Variants in YTHDC2 observed in about 807,000 individuals in gnomAD.
YTHDC2 encodes 3'-5' RNA helicase YTHDC2.
YTHDC2 carries 45 observed loss-of-function variants against 174.9 expected under a neutral mutation model. The ratio of observed to expected loss-of-function variants is 0.26; its 90% CI spans 0.20 to 0.33. YTHDC2 has a LOEUF of 0.33. Ranked by LOEUF, YTHDC2 falls within the 10% of genes least tolerant of loss-of-function variation. YTHDC2 has a pLI of 1.00. For missense variants in YTHDC2, 1,650 were observed against 1,723.7 expected, an observed-to-expected ratio of 0.96 and a Z score of 0.76; for synonymous variants, 657 against 574.5, an observed-to-expected ratio of 1.14 and a Z score of -2.05.
At position 113,515,263 on chromosome 5, in the gene YTHDC2, TC is replaced by T. The variant is rs771347106; in HGVS notation, c.188-7del. 1.6e-5 allele frequency: 25 copies of T among 1,595,066 alleles called. No individual in the cohort carries two copies. The East Asian group carries it at 5.6e-4, about 36-fold the overall frequency. Reference sequence around the variant, plus strand: ...ACAAATTTTACTACTTTGTTTTTTTTCCGTGTAGAAATGGAATTTCCTTCTT... The same window carrying T: ...ACAAATTTTACTACTTTGTTTTTTTTCGTGTAGAAATGGAATTTCCTTCTT... On this transcript the variant is annotated splice_region_variant and splice_polypyrimidine_tract_variant and intron_variant, in intron 1 of 29. Transcript: ENST00000161863.
Position 113,591,248 on chromosome 5 carries a change from A to G in YTHDC2, c.4029+4A>G, listed in dbSNP as rs771990302. 6 of 1,613,586 alleles carry G rather than the reference A, an allele frequency of 3.7e-6. No homozygotes were observed. Among genetic ancestry groups the G allele is most frequent in the Non-Finnish European group, 5.1e-6 (6 of 1,179,724 alleles). On this transcript the variant is annotated splice_donor_region_variant and intron_variant, in intron 27 of 29. Coordinates refer to ENST00000161863, the MANE Select transcript of YTHDC2 (RefSeq NM_022828.5). The stretch of plus-strand genomic sequence containing the variant: ...TCAAGGATCTGGACATTTCCAGGTG[A>G]GCCACCCTGAATCAGTAAAATGGGG...
chr5:113,549,902 G>A (rs1305285713), intron 12 of YTHDC2, among the ~76,000 whole-genome samples: 1 of 151,616 alleles, frequency 6.6e-6, no homozygotes. Context: ...AGTGTTTGTT[G>A]AATGAATGAA....
At chr5:113,592,448 G>T in intron 28 of YTHDC2, 1 of 258,068 alleles carries the variant, frequency 3.9e-6, no homozygotes, top group Non-Finnish European at 7.3e-6. Context: ...ATATTCTAGT[G>T]GCTTGTTTAT....
chr5:113,524,272 A>G (rs1432730660), intron 2 of YTHDC2, among the ~76,000 whole-genome samples: 41 of 152,094 alleles, frequency 2.7e-4, no homozygotes, highest in Non-Finnish European at 2.9e-5. Context: ...CTGGTATATA[A>G]CACTATACCT....
intron 10 of YTHDC2, 150 bp downstream of exon 10, chr5:113,542,653 G>T: frequency 3.0e-6 from 2 of 663,358 alleles, no homozygotes; most frequent in Non-Finnish European, 4.8e-6. Flanking sequence ...TACAAATCAG[G>T]ATCTTCTTGC....
At chr5:113,591,345 A>G (rs1778994758) in intron 27 of YTHDC2, 101 bp downstream of exon 27, 1 of 1,198,744 alleles carries the variant, frequency 8.3e-7, no homozygotes, top group African/African-American at 1.5e-5. Flanking sequence ...TCAGAATGCA[A>G]GAATGCCTTT....
chr5:113,523,119 A>C (rs922906456), intron 2 of YTHDC2, among the ~76,000 whole-genome samples: 2 of 152,146 alleles, frequency 1.3e-5, no homozygotes, highest in Non-Finnish European at 2.9e-5. Context: ...AGTGCCTGGC[A>C]TAAAGTCAGT....
chr5:113,525,365 C>A (rs180750580), intron 3 of YTHDC2, among the ~76,000 whole-genome samples, 188 bp downstream of exon 3: 76 of 151,970 alleles, frequency 5.0e-4, no homozygotes, highest in African/African-American at 1.3e-3. Context: ...TTAAGTTGAA[C>A]CAAGTTTTTT....
In YTHDC2 at chr5:113,561,181, T is replaced by C. The variant is rs1561674380; in HGVS notation, c.2318T>C (p.Leu773Ser). ...FQTPELLRMP[L>S]QELCLHTKLL... Reference sequence around the variant, plus strand: ...ACTCCGGAACTTTTGAGAATGCCATTACAGGTAAAAATTTATTTAAATATA... The same window carrying C: ...ACTCCGGAACTTTTGAGAATGCCATCACAGGTAAAAATTTATTTAAATATA... The change falls in exon 18 of 30, where the codon TTA (leucine) becomes TCA (serine). Residue 773 changes from leucine to serine, a missense_variant. Physicochemically the swap from Leu to Ser is moderately radical, Grantham distance 145. Transcript: ENST00000161863. 1 of 1,611,816 alleles carries C rather than the reference T, an allele frequency of 6.2e-7. No individual in the cohort carries two copies. Among genetic ancestry groups the C allele is most frequent in the Non-Finnish European group, 8.5e-7 (1 of 1,178,908 alleles).
intron 25 of YTHDC2, chr5:113,582,830 A>G (rs938610829): frequency 1.3e-5 from 2 of 152,138 alleles, no homozygotes; most frequent in African/African-American, 4.8e-5. Context: ...TTCAGATATT[A>G]CATTTTAGTA....
At chr5:113,579,732 A>T (rs1322049752) in intron 24 of YTHDC2, 37 bp downstream of exon 24, 5 of 1,556,944 alleles carry the variant, frequency 3.2e-6, no homozygotes, top group Non-Finnish European at 4.3e-6. Flanking sequence ...AATTTCTTTC[A>T]TTCAGTTAGT....
At chr5:113,563,317 G>A in intron 18 of YTHDC2, 56 bp from the exon 19 acceptor site, 1 of 1,452,632 alleles carries the variant, frequency 6.9e-7, no homozygotes, top group Non-Finnish European at 9.3e-7. Context: ...TTCTTTAAAT[G>A]TGTAGGTTAG....
chr5:113,551,199 G>A (rs4705554), intron 12 of YTHDC2, among the ~76,000 whole-genome samples: 139,734 of 151,984 alleles, frequency 0.92, 64,454 homozygotes, highest in African/African-American at 0.98. Flanking sequence ...CATTTCAATA[G>A]TAGCACCCAG....
Position 113,513,767 on chromosome 5 carries a change from G to A in YTHDC2, c.-129G>A. The stretch of plus-strand genomic sequence containing the variant: ...TGGCGGTGACTGAGGCCTTTCTGGT[G>A]ACCTCAGCCCAACACAGGCCGTCTC... On this transcript the variant is annotated 5_prime_UTR_variant, in exon 1 of 30. Transcript: ENST00000161863. 1 of 1,006,414 alleles carries A rather than the reference G, an allele frequency of 9.9e-7. No homozygotes were observed. The highest frequency in any genetic ancestry group is 1.7e-5 in the African/African-American group (1 of 58,216). 62.3% of individuals were successfully genotyped at this position (1,006,414 alleles called of 1,614,324 possible).
At chr5:113,550,281 A>G (rs909100807) in intron 12 of YTHDC2, among the ~76,000 whole-genome samples, 2 of 151,928 alleles carry the variant, frequency 1.3e-5, no homozygotes, top group African/African-American at 2.4e-5. Context: ...TCTGTGGGGG[A>G]AAAATTTACC....
In YTHDC2 at chr5:113,595,160, C is replaced by G. The variant is rs1222758181; in HGVS notation, c.*1686C>G. On this transcript the variant is annotated 3_prime_UTR_variant, in exon 30 of 30. Coordinates refer to ENST00000161863, the MANE Select transcript of YTHDC2 (RefSeq NM_022828.5). ...TAAATTTCCATCTGTTTTGTAATAT[C>G]TAGCTCTATATGTAAATGATGGGTT... The G allele has an allele frequency of 6.6e-6, 1 of 151,820 alleles. No homozygotes were observed. Among genetic ancestry groups the G allele is most frequent in the Non-Finnish European group, 1.5e-5 (1 of 67,968 alleles). The allele number at this position is 151,820 out of a possible 1,614,324, so 9.4% of individuals were successfully genotyped here. A position where few individuals can be genotyped will look rare whatever the true frequency, so the allele number is the denominator to read the frequency against.
At chr5:113,538,286 G>C (rs751067762) in intron 7 of YTHDC2, among the ~76,000 whole-genome samples, 26 of 152,112 alleles carry the variant, frequency 1.7e-4, no homozygotes, top group Non-Finnish European at 3.4e-4. Flanking sequence ...ATTGCAGTCA[G>C]AGTGGTCTTC....
At chr5:113,551,825 G>A (rs191145471) in intron 12 of YTHDC2, among the ~76,000 whole-genome samples, 11 of 152,158 alleles carry the variant, frequency 7.2e-5, no homozygotes, top group Admixed American at 3.9e-4. Flanking sequence ...ATAGTCTTAC[G>A]TTATTTTTCT....
At chr5:113,561,960 GTGTGTGT>G (rs1561675954) in intron 18 of YTHDC2, among the ~76,000 whole-genome samples, 71 of 74,052 alleles carry the variant, frequency 9.6e-4, no homozygotes, top group African/African-American at 3.1e-3. Context: ...AATTGTGGGT[GTGTGTGT>G]GTGTGTGTGT....
Sources: allele counts gnomAD v4.1 joint callset (sites outside exome capture counted in the v4.1 genomes callset), GRCh38; gene constraint gnomAD v4.1.1; transcripts MANE v1.5; gene names NCBI Gene and HGNC (gene_info 2026-07-23, HGNC 2026-07-21).